SPMIP1: variants seen among roughly 807,000 people sequenced by gnomAD.
SPMIP1 encodes the protein protein SPMIP1.
the SPMIP1 span, chr7:128,866,456 A>C: frequency 6.5e-7 from 1 of 1,535,880 alleles, no homozygotes; most frequent in Non-Finnish European, 8.7e-7. Flanking sequence ...AACTTCTGGA[A>C]GGAGGAATAT....
At chr7:128,867,430 C>G in the SPMIP1 span, among the ~76,000 whole-genome samples, 1 of 152,094 alleles carries the variant, frequency 6.6e-6, no homozygotes, top group Non-Finnish European at 1.5e-5. Flanking sequence ...AGGGCTGGAG[C>G]GTGCATGAAC....
At chr7:128,868,348 C>A in the SPMIP1 span, among the ~76,000 whole-genome samples, 1 of 152,182 alleles carries the variant, frequency 6.6e-6, no homozygotes, top group South Asian at 2.1e-4. Context: ...GCCCTAGAAG[C>A]GGGGAGCAGG....
the SPMIP1 span, chr7:128,868,812 A>AAAT: frequency 2.8e-6 from 4 of 1,410,098 alleles, no homozygotes; most frequent in Non-Finnish European, 3.8e-6. Flanking sequence ...AGGGAAGAAG[A>AAAT]AATAACAGGC....
At chr7:128,868,215 C>G in the SPMIP1 span, among the ~76,000 whole-genome samples, 1 of 152,254 alleles carries the variant, frequency 6.6e-6, no homozygotes, top group East Asian at 1.9e-4. Context: ...GCTTGAGTGT[C>G]TTGCAGAAAA....
At chr7:128,870,549 T>A in the SPMIP1 span, 1 of 152,294 alleles carries the variant, frequency 6.6e-6, no homozygotes, top group Admixed American at 6.5e-5. Context: ...GTGTCCATCC[T>A]TGGTGGTCTT....
At chr7:128,867,115 G>A in the SPMIP1 span, among the ~76,000 whole-genome samples, 1 of 152,208 alleles carries the variant, frequency 6.6e-6, no homozygotes, top group Admixed American at 6.5e-5. Context: ...CTGATGGAGG[G>A]TTCTAAGCAG....
chr7:128,866,562 C>T, the SPMIP1 span: 1 of 1,535,882 alleles, frequency 6.5e-7, no homozygotes, highest in Non-Finnish European at 8.7e-7. Context: ...GCCTGCCCCT[C>T]AAACTGCCCA....
the SPMIP1 span, chr7:128,868,539 C>CTAT: frequency 3.6e-6 from 2 of 562,534 alleles, no homozygotes; most frequent in East Asian, 5.8e-5. Context: ...AAAGCACTTT[C>CTAT]TATTTCTTCC....
the SPMIP1 span, among the ~76,000 whole-genome samples, chr7:128,868,152 CTG>C: frequency 6.6e-6 from 1 of 152,236 alleles, no homozygotes; most frequent in African/African-American, 2.4e-5. Flanking sequence ...CCATTGCTGT[CTG>C]TGCTCATGAA....
the SPMIP1 span, chr7:128,866,386 G>A: frequency 3.3e-6 from 5 of 1,498,664 alleles, no homozygotes; most frequent in Non-Finnish European, 4.4e-6. Context: ...TGGCCACCCT[G>A]GTGCCACTCC....
the SPMIP1 span, among the ~76,000 whole-genome samples, chr7:128,868,378 C>A: frequency 6.6e-6 from 1 of 152,244 alleles, no homozygotes; most frequent in East Asian, 1.9e-4. Flanking sequence ...GAAATCTCAT[C>A]TCTCCACAGT....
chr7:128,871,519 T>A, the SPMIP1 span: 1 of 152,204 alleles, frequency 6.6e-6, no homozygotes, highest in Admixed American at 6.5e-5. Context: ...CTGCAAGTGT[T>A]CATAATTAAC....
At chr7:128,870,190 T>C in the SPMIP1 span, 1 of 152,420 alleles carries the variant, frequency 6.6e-6, no homozygotes, top group African/African-American at 2.4e-5. Context: ...GAGTCTGTGC[T>C]TTCAGGGACC....
chr7:128,871,020 G>T, the SPMIP1 span: 1 of 152,338 alleles, frequency 6.6e-6, no homozygotes, highest in Admixed American at 6.5e-5. Context: ...GAGGAAGAAA[G>T]ACCAGTATTG....
the SPMIP1 span, chr7:128,866,901 G>A: frequency 2.1e-6 from 3 of 1,408,158 alleles, no homozygotes; most frequent in South Asian, 1.4e-5. Context: ...GGGCATCCTG[G>A]TGAAGGGTCC....
chr7:128,870,857 AG>A, the SPMIP1 span: 1 of 152,270 alleles, frequency 6.6e-6, no homozygotes, highest in Non-Finnish European at 1.5e-5. Context: ...GCTTCACTGA[AG>A]AGCCTCCTCC....
the SPMIP1 span, chr7:128,866,471 G>A: frequency 6.5e-7 from 1 of 1,536,044 alleles, no homozygotes; most frequent in East Asian, 2.4e-5. Context: ...GAATATCTGA[G>A]GGAAAAGATG....
At chr7:128,866,924 G>C in the SPMIP1 span, 1 of 1,244,430 alleles carries the variant, frequency 8.0e-7, no homozygotes, top group African/African-American at 1.5e-5. Context: ...ACTATAAACA[G>C]AGCAAGGAGA....
chr7:128,867,067 T>C, the SPMIP1 span, among the ~76,000 whole-genome samples: 25 of 152,304 alleles, frequency 1.6e-4, no homozygotes, highest in African/African-American at 5.8e-4. Flanking sequence ...AGCCAGATGA[T>C]AAGGATGGGT....
Sources: gnomAD v4.1 joint callset for allele counts (sites outside exome capture counted in the v4.1 genomes callset) on GRCh38, gnomAD v4.1.1 for gene constraint, MANE v1.5 for transcripts, NCBI Gene and HGNC (gene_info 2026-07-23, HGNC 2026-07-21) for gene names.